Variants in NRG3 observed in about 807,000 individuals in gnomAD.
NRG3 encodes the protein neuregulin 3, also known as pro-neuregulin-3, membrane-bound isoform.
A neutral mutation model predicts 66.9 loss-of-function variants in NRG3; 31 were observed. The observed-to-expected ratio is 0.46, with a 90% CI of 0.35 to 0.63. The LOEUF (loss-of-function observed/expected upper bound fraction) is 0.63, where lower values mean the gene tolerates loss of function less well. NRG3 is among the 20% of genes least tolerant of loss of function. The pLI is 0.00. For synonymous variants in NRG3, 393 were observed against 359.4 expected, an observed-to-expected ratio of 1.09 and a Z score of -1.06; for missense variants, 910 against 878.9, an observed-to-expected ratio of 1.04 and a Z score of -0.45.
At chr10:82,160,879 C>T (rs2071539075) in intron 1 of NRG3, among the ~76,000 whole-genome samples, 1 of 151,918 alleles carries the variant, frequency 6.6e-6, no homozygotes, top group Non-Finnish European at 1.5e-5. Context: ...ATGAAGCTCA[C>T]TGTTAATATG....
At chr10:82,057,948 T>A (rs1002703394) in intron 1 of NRG3, among the ~76,000 whole-genome samples, 1 of 149,274 alleles carries the variant, frequency 6.7e-6, no homozygotes, top group Non-Finnish European at 1.5e-5. Context: ...TGCTTACTCA[T>A]GTGGATTCTC....
intron 3 of NRG3, among the ~76,000 whole-genome samples, chr10:82,812,264 AG>A (rs1246094977): frequency 3.9e-4 from 59 of 152,272 alleles, no homozygotes; most frequent in African/African-American, 1.3e-3. Context: ...TTGAGAAGCA[AG>A]GCACCTAGAT....
chr10:82,911,605 A>G (rs1400923091), intron 4 of NRG3, among the ~76,000 whole-genome samples: 3 of 151,630 alleles, frequency 2.0e-5, no homozygotes, highest in African/African-American at 4.8e-5. Flanking sequence ...CATTCTTTAT[A>G]TAGTAATTTT....
chr10:82,671,043 G>A (rs2053229951), intron 2 of NRG3, among the ~76,000 whole-genome samples: 2 of 152,136 alleles, frequency 1.3e-5, no homozygotes, highest in Admixed American at 1.3e-4. Flanking sequence ...CCCCTTAGGT[G>A]GAAGGCAGCT....
chr10:82,429,574 T>C (rs2089662636), intron 2 of NRG3, among the ~76,000 whole-genome samples: 1 of 152,104 alleles, frequency 6.6e-6, no homozygotes, highest in Non-Finnish European at 1.5e-5. Context: ...CTTTGACAGT[T>C]TGACTATGAT....
At chr10:82,306,513 C>G (rs981029686) in intron 1 of NRG3, among the ~76,000 whole-genome samples, 1 of 151,582 alleles carries the variant, frequency 6.6e-6, no homozygotes, top group Non-Finnish European at 1.5e-5. Context: ...ACCATCCTGG[C>G]TAATACGGTG....
intron 6 of NRG3, among the ~76,000 whole-genome samples, chr10:82,961,159 G>A (rs1377187763): frequency 6.6e-6 from 1 of 152,144 alleles, no homozygotes; most frequent in Non-Finnish European, 1.5e-5. Context: ...ACTTCCATTT[G>A]CTAGAGAACT....
rs115124512 is a variant in NRG3 at position 81,918,626 on chromosome 10, C to T, written c.823+42463C>T. On this transcript the variant is annotated intron_variant, in intron 1 of 8. Transcript: ENST00000372141. ...ATGCCTTATTTGCATGTGTAGCATG[C>T]ACCTCTTTTCTTTGATATTATTGGA... 4.0e-3 allele frequency among the ~76,000 whole-genome samples: 613 copies of T among 152,238 alleles called. 7 individuals are homozygous for T. The highest frequency in any genetic ancestry group is 0.014 in the African/African-American group (585 of 41,528).
intron 3 of NRG3, among the ~76,000 whole-genome samples, chr10:82,756,092 C>G (rs2059067284): frequency 6.6e-6 from 1 of 151,932 alleles, no homozygotes. Context: ...TGTAACTCCT[C>G]TAAGAAAGCA....
At chr10:82,402,451 G>C (rs1043171553) in intron 2 of NRG3, among the ~76,000 whole-genome samples, 1 of 152,112 alleles carries the variant, frequency 6.6e-6, no homozygotes. Context: ...TTTGGTGTTT[G>C]TTTATTTATT....
At chr10:81,959,861 T>G (rs991837475) in intron 1 of NRG3, among the ~76,000 whole-genome samples, 2 of 152,236 alleles carry the variant, frequency 1.3e-5, no homozygotes, top group African/African-American at 4.8e-5. Flanking sequence ...TGGATATATG[T>G]AGAGTGTAAT....
At chr10:82,737,604 A>G (rs17682831) in intron 2 of NRG3, among the ~76,000 whole-genome samples, 23,371 of 152,094 alleles carry the variant, frequency 0.15, 2,255 homozygotes, top group South Asian at 0.23. Flanking sequence ...TTAAGCAACA[A>G]TGGATGCTTC....
At chr10:82,088,113 G>A (rs1160657293) in intron 1 of NRG3, among the ~76,000 whole-genome samples, 2 of 152,132 alleles carry the variant, frequency 1.3e-5, no homozygotes, top group Admixed American at 1.3e-4. Flanking sequence ...CCTGTAGGAT[G>A]TAGAGAAAGA....
rs1186764539 is a variant in NRG3 at position 82,251,293 on chromosome 10, C to G, written c.824-107446C>G. On this transcript the variant is annotated intron_variant, in intron 1 of 8. Coordinates refer to ENST00000372141, the MANE Select transcript of NRG3 (RefSeq NM_001010848.4). The stretch of plus-strand genomic sequence containing the variant: ...GGATGACCCCAAGCTTCTCCTCCCC[C>G]TCTTCCCTCTGACTCTTCCTCTTGT... Among the ~76,000 whole-genome samples the G allele has an allele frequency of 5.9e-5, 9 of 152,274 alleles. No homozygotes were observed. In the East Asian group the frequency reaches 1.4e-3, roughly 23 times the overall value.
At chr10:82,829,717 TCGCCAG>T (rs1264523745) in intron 3 of NRG3, among the ~76,000 whole-genome samples, 3 of 152,172 alleles carry the variant, frequency 2.0e-5, no homozygotes, top group African/African-American at 7.2e-5. Context: ...GAGATGAATA[TCGCCAG>T]GTCATTCAGG....
intron 1 of NRG3, among the ~76,000 whole-genome samples, chr10:82,332,065 G>C (rs1461669035): frequency 6.6e-6 from 1 of 152,154 alleles, no homozygotes. Flanking sequence ...CGGAACCATG[G>C]TCACATAAAG....
intron 1 of NRG3, among the ~76,000 whole-genome samples, chr10:82,223,338 A>G (rs1297551470): frequency 1.3e-5 from 2 of 152,028 alleles, no homozygotes; most frequent in Non-Finnish European, 2.9e-5. Context: ...TTAATTTCTC[A>G]AAAAAACATA....
intron 1 of NRG3, among the ~76,000 whole-genome samples, chr10:82,111,184 G>A (rs974700826): frequency 6.6e-6 from 1 of 152,114 alleles, no homozygotes; most frequent in African/African-American, 2.4e-5. Flanking sequence ...GCTTATTTTG[G>A]TCTGAACCCC....
chr10:82,754,720 T>C (rs758718696), intron 3 of NRG3, among the ~76,000 whole-genome samples: 2 of 152,132 alleles, frequency 1.3e-5, no homozygotes, highest in African/African-American at 4.8e-5. Flanking sequence ...GTAGCTTTAT[T>C]TGACTCCTAA....
Sources: allele counts gnomAD v4.1 joint callset (sites outside exome capture counted in the v4.1 genomes callset), GRCh38; gene constraint gnomAD v4.1.1; transcripts MANE v1.5; gene names NCBI Gene and HGNC (gene_info 2026-07-23, HGNC 2026-07-21).